The following JAKMIP3 variants were observed in gnomAD, a reference collection of about 807,000 sequenced individuals.
The protein encoded by JAKMIP3 is janus kinase and microtubule-interacting protein 3.
A neutral mutation model predicts 118.5 loss-of-function variants in JAKMIP3; 58 were observed. The observed-to-expected ratio is 0.49, with a 90% CI of 0.40 to 0.61. The LOEUF (loss-of-function observed/expected upper bound fraction) is 0.61, where lower values mean the gene tolerates loss of function less well. JAKMIP3 is among the 20% of genes least tolerant of loss of function. The pLI is 0.00. For missense variants in JAKMIP3, 950 were observed against 1,109.0 expected (o/e 0.86, Z 2.04); for synonymous variants, 486 against 451.2 (o/e 1.08, Z -0.98).
intron 23 of JAKMIP3, among the ~76,000 whole-genome samples, chr10:132,174,421 G>A (rs887502422): frequency 2.0e-5 from 3 of 151,896 alleles, no homozygotes; most frequent in Non-Finnish European, 4.4e-5. Context: ...GCCTCCGTGG[G>A]CTCAGTGGGC....
chr10:132,109,280 G>A (rs967239102), intron 2 of JAKMIP3, among the ~76,000 whole-genome samples: 10 of 152,092 alleles, frequency 6.6e-5, no homozygotes, highest in African/African-American at 2.4e-4. Context: ...TCCAGCCTGG[G>A]TGACAGAGCA....
intron 15 of JAKMIP3, 49 bp downstream of exon 15, chr10:132,149,559 C>CGCCCCACCCCCCCTCCGCCCCT: frequency 1.2e-6 from 1 of 815,370 alleles, no homozygotes; most frequent in Non-Finnish European, 1.8e-6. Context: ...ACCCATCCCC[C>CGCCCCACCCCCCCTCCGCCCCT]GCCCCACCCC....
chr10:132,110,798 G>C (rs1358804196), intron 2 of JAKMIP3, among the ~76,000 whole-genome samples: 1 of 152,252 alleles, frequency 6.6e-6, no homozygotes, highest in Non-Finnish European at 1.5e-5. Context: ...AGAAGGGGAG[G>C]GGCTCACAGG....
chr10:132,088,308 C>G (rs1323315936), intron 1 of JAKMIP3, among the ~76,000 whole-genome samples: 4 of 152,180 alleles, frequency 2.6e-5, no homozygotes, highest in African/African-American at 4.8e-5. Flanking sequence ...GGTTGAACTA[C>G]TTTACAGTCC....
At chr10:132,054,634 A>G (rs1379484840) in intron 1 of JAKMIP3, among the ~76,000 whole-genome samples, 1 of 152,220 alleles carries the variant, frequency 6.6e-6, no homozygotes, top group Non-Finnish European at 1.5e-5. Context: ...CAGAGGCAGG[A>G]TTAGTGCCAT....
At chr10:132,082,020 G>A (rs10466132) in intron 1 of JAKMIP3, among the ~76,000 whole-genome samples, 2,761 of 151,298 alleles carry the variant, frequency 0.018, 82 homozygotes, top group African/African-American at 0.063. Flanking sequence ...TCTGTGGGTC[G>A]GCTTTACCCT....
At chr10:132,159,380 G>A (rs67594671) in intron 19 of JAKMIP3, among the ~76,000 whole-genome samples, 6,854 of 84,290 alleles carry the variant, frequency 0.081, 771 homozygotes, top group East Asian at 0.59. Context: ...GGTTGGGGGG[G>A]GTCTATTCCT....
At chr10:132,104,981 C>CCCTCCTG in intron 2 of JAKMIP3, 38 bp downstream of exon 2, 1 of 1,561,250 alleles carries the variant, frequency 6.4e-7, no homozygotes. Flanking sequence ...GAATGTCCCT[C>CCCTCCTG]CCTCCTGCCT....
intron 1 of JAKMIP3, among the ~76,000 whole-genome samples, chr10:132,103,332 G>A (rs947990759): frequency 1.3e-5 from 2 of 151,126 alleles, no homozygotes; most frequent in African/African-American, 2.4e-5. Context: ...CATAGGAGCT[G>A]GGGTAGAGAA....
intron 1 of JAKMIP3, among the ~76,000 whole-genome samples, chr10:132,072,825 G>A (rs11819434): frequency 0.42 from 63,481 of 151,342 alleles, 13,521 homozygotes; most frequent in Admixed American, 0.56. Flanking sequence ...TTGTACAGTG[G>A]CGACGGCTGG....
At position 132,180,756 on chromosome 10, in the gene JAKMIP3, T is replaced by TGCGTGTGTGTGTGC. The variant is rs1184424787; in HGVS notation, c.*1104-1600_*1104-1599insCGTGTGTGTGTGCG. Among the ~76,000 whole-genome samples, 22 of 31,080 alleles carry TGCGTGTGTGTGTGC rather than the reference T, an allele frequency of 7.1e-4. 4 individuals are homozygous for TGCGTGTGTGTGTGC. Among genetic ancestry groups the TGCGTGTGTGTGTGC allele is most frequent in the Non-Finnish European group, 8.7e-4 (15 of 17,238 alleles). The allele number at this position is 31,080 out of a possible 152,430, so 20.4% of individuals were successfully genotyped here. A position where few individuals can be genotyped will look rare whatever the true frequency, so the allele number is the denominator to read the frequency against. ...GTGTGTGCGTGCGTGCGCGCGCGTG[T>TGCGTGTGTGTGTGC]GTGCGTGTGTGTGCGTGTGTGTGTG... On this transcript the variant is annotated intron_variant, in intron 23 of 23. Coordinates refer to ENST00000684848, the MANE Select transcript of JAKMIP3 (RefSeq NM_001323087.2).
At chr10:132,143,142 C>CGG (rs139480000) in intron 11 of JAKMIP3, among the ~76,000 whole-genome samples, 45 of 146,864 alleles carry the variant, frequency 3.1e-4, no homozygotes, top group African/African-American at 1.1e-3. Context: ...TGTCCTGAGT[C>CGG]GGGGTGGGGG....
At chr10:132,167,864 G>T (rs45456394) in intron 22 of JAKMIP3, 89 bp from the exon 23 acceptor site, 5 of 847,244 alleles carry the variant, frequency 5.9e-6, no homozygotes, top group Non-Finnish European at 1.6e-6. Context: ...TCACCCCTCG[G>T]CCCTCGCCCC....
intron 11 of JAKMIP3, among the ~76,000 whole-genome samples, chr10:132,143,371 C>T (rs1213843480): frequency 1.3e-5 from 2 of 152,186 alleles, no homozygotes; most frequent in East Asian, 3.9e-4. Flanking sequence ...ACAGCGGGGG[C>T]GGGGCAACAG....
intron 1 of JAKMIP3, among the ~76,000 whole-genome samples, chr10:132,099,838 C>G (rs1367303744): frequency 6.6e-6 from 1 of 152,004 alleles, no homozygotes; most frequent in African/African-American, 2.4e-5. Context: ...ACCCCAAACC[C>G]CTCGCACTGC....
intron 23 of JAKMIP3, among the ~76,000 whole-genome samples, chr10:132,171,487 G>C (rs1409012642): frequency 2.6e-5 from 4 of 152,158 alleles, no homozygotes; most frequent in Admixed American, 6.6e-5. Flanking sequence ...GACGCGAGAC[G>C]TTACTGTGCT....
intron 1 of JAKMIP3, among the ~76,000 whole-genome samples, chr10:132,051,460 G>A (rs1480864472): frequency 6.6e-6 from 1 of 152,082 alleles, no homozygotes; most frequent in African/African-American, 2.4e-5. Flanking sequence ...TGGGTTTAAT[G>A]ACCATTTCCC....
rs1478936690 is a variant in JAKMIP3 at position 132,145,193 on chromosome 10, G to T, written c.1686+3G>T. 6.2e-7 allele frequency: 1 copy of T among 1,605,830 alleles called. No individual in the cohort carries two copies. Among genetic ancestry groups the T allele is most frequent in the Non-Finnish European group, 8.5e-7 (1 of 1,176,756 alleles). On this transcript the variant is annotated splice_donor_region_variant and intron_variant, in intron 12 of 23. Transcript: ENST00000684848. ...AGGCCCTGGCGGAGCAGGGGCAGGT[G>T]AGCCTGCAGCCATCTGCACGGGCGT...
chr10:132,157,961 G>A lies in JAKMIP3; in HGVS notation c.2220+3971G>A, dbSNP rs552433278. ...TTCAACTTCGTACAGAAAAAAAAAA[G>A]AGATTGTACAAAAAAATTCCAGTGT... On this transcript the variant is annotated intron_variant, in intron 19 of 23. Coordinates refer to ENST00000684848, the MANE Select transcript of JAKMIP3 (RefSeq NM_001323087.2). 4.6e-5 allele frequency among the ~76,000 whole-genome samples: 7 copies of A among 152,016 alleles called. No individual in the cohort carries two copies. In the South Asian group the frequency reaches 1.0e-3, roughly 23 times the overall value.
Sources: gnomAD v4.1 joint callset for allele counts (sites outside exome capture counted in the v4.1 genomes callset) on GRCh38, gnomAD v4.1.1 for gene constraint, MANE v1.5 for transcripts, NCBI Gene and HGNC (gene_info 2026-07-23, HGNC 2026-07-21) for gene names.